MLXIP: variants seen among roughly 807,000 people sequenced by gnomAD.
MLXIP encodes MLX interacting protein.
Under a neutral mutation model 87.2 loss-of-function variants are expected in MLXIP, and 30 were observed. That is an observed-to-expected ratio of 0.34 (90% CI 0.26 to 0.47). MLXIP has a LOEUF of 0.47. Ranked by LOEUF, MLXIP falls within the 20% of genes least tolerant of loss-of-function variation. The pLI is 1.00. For synonymous variants in MLXIP, 530 were observed against 514.0 expected (o/e 1.03, Z -0.42); for missense variants, 1,002 against 1,240.1 (o/e 0.81, Z 2.88).
intron 1 of MLXIP, among the ~76,000 whole-genome samples, chr12:122,124,193 C>T (rs1593100128): frequency 9.5e-6 from 1 of 105,372 alleles, no homozygotes; most frequent in Non-Finnish European, 2.0e-5. Flanking sequence ...AGCCGTCCCC[C>T]GCCCTCAGCT....
chr12:122,128,854 G>C, intron 3 of MLXIP: 1 of 372,154 alleles, frequency 2.7e-6, no homozygotes, highest in Middle Eastern at 7.7e-4. Flanking sequence ...TTCCTCTGTG[G>C]AGCATTCTGC....
rs1377930676 is a variant in MLXIP, at chr12:122,127,346, G to A, written c.504G>A (p.Arg168=). ...TCCGGCTCAATAATGCCATCTGGCG[G>A]GCCTGGTACATGCAGTGTAAGTGCC... ...DKIRLNNAIW[R]AWYMQYLEKR... is the part of the protein sequence containing the mutation. The change falls in exon 2 of 17, where the codon CGG becomes CGA. Residue 168 remains arginine, a synonymous_variant. Coordinates refer to ENST00000319080, the MANE Select transcript of MLXIP (RefSeq NM_014938.6). The A allele has an allele frequency of 2.5e-6, 4 of 1,611,966 alleles. No homozygotes were observed. Among genetic ancestry groups the A allele is most frequent in the Non-Finnish European group, 3.4e-6 (4 of 1,179,000 alleles).
At chr12:122,116,899 G>A (rs1593091184) in intron 1 of MLXIP, among the ~76,000 whole-genome samples, 2 of 152,328 alleles carry the variant, frequency 1.3e-5, no homozygotes, top group African/African-American at 4.8e-5. Context: ...GTTAGAAGTG[G>A]TCTAGACATG....
chr12:122,078,869 T>A lies in MLXIP; in HGVS notation c.16T>A (p.Phe6Ile). 9.0e-7 allele frequency: 1 copy of A among 1,113,306 alleles called. No individual in the cohort carries two copies. Among genetic ancestry groups the A allele is most frequent in the South Asian group, 3.0e-5 (1 of 32,924 alleles). 69.0% of individuals were successfully genotyped at this position (1,113,306 alleles called of 1,614,324 possible). A position where few individuals can be genotyped will look rare whatever the true frequency, so the allele number is the denominator to read the frequency against. Residue 6 changes from phenylalanine (F) to isoleucine (I), a missense_variant, in exon 1 of 17, where the codon TTC (phenylalanine) becomes ATC (isoleucine). By Grantham distance (21) the Phe-to-Ile change is conservative (BLOSUM62 0). This residue lies in a region of MLXIP where 129 missense variants were observed against 104.2 expected (regional missense o/e 1.24). Coordinates refer to ENST00000319080, the MANE Select transcript of MLXIP (RefSeq NM_014938.6). Reference sequence around the variant, plus strand: ...AGCCCTTCTCATGGCCGCCGACGTCTTCATGTGCTCCCCGCGCCGGCCTCG... The same window carrying A: ...AGCCCTTCTCATGGCCGCCGACGTCATCATGTGCTCCCCGCGCCGGCCTCG... Reference protein sequence around the residue: MAADVFMCSPRRPRSR... With the variant: MAADVIMCSPRRPRSR...
At chr12:122,130,245 A>G in intron 6 of MLXIP, 133 bp downstream of exon 6, 3 of 940,026 alleles carry the variant, frequency 3.2e-6, no homozygotes, top group Non-Finnish European at 4.7e-6. Context: ...GCAGTAAGGA[A>G]GGGAAGGATG....
intron 1 of MLXIP, among the ~76,000 whole-genome samples, chr12:122,100,361 T>C (rs1040673622): frequency 1.5e-4 from 23 of 152,358 alleles, no homozygotes; most frequent in African/African-American, 5.5e-4. Flanking sequence ...TCCTTTGATA[T>C]TAACCAGTTT....
intron 1 of MLXIP, among the ~76,000 whole-genome samples, chr12:122,116,980 C>T (rs963638356): frequency 5.3e-5 from 8 of 152,244 alleles, no homozygotes; most frequent in Non-Finnish European, 8.8e-5. Context: ...CCATTGCAGG[C>T]AGGCACATCT....
At chr12:122,087,371 A>G (rs537961653) in intron 1 of MLXIP, among the ~76,000 whole-genome samples, 3 of 145,540 alleles carry the variant, frequency 2.1e-5, no homozygotes, top group African/African-American at 7.4e-5. Flanking sequence ...TAGAAAGAAG[A>G]TGAAGGCTAG....
chr12:122,099,241 C>CA (rs1168335162), intron 1 of MLXIP, among the ~76,000 whole-genome samples: 2 of 151,950 alleles, frequency 1.3e-5, no homozygotes, highest in African/African-American at 2.4e-5. Flanking sequence ...GCCATGTCTC[C>CA]AAAAAAACCA....
chr12:122,130,054 C>T lies in MLXIP; in HGVS notation c.852C>T (p.Thr284=). 6.2e-7 allele frequency: 1 copy of T among 1,613,926 alleles called. No individual in the cohort carries two copies. Among genetic ancestry groups the T allele is most frequent in the Non-Finnish European group, 8.5e-7 (1 of 1,179,870 alleles). Reference sequence around the variant, plus strand: ...TGCTCATGTCGGAATTCAGCGACACCCTCTTCTCCACACTTTCTTCACACC... The same window carrying T: ...TGCTCATGTCGGAATTCAGCGACACTCTCTTCTCCACACTTTCTTCACACC... ...TDMLMSEFSD[T]LFSTLSSHQP... The change falls in exon 6 of 17, where the codon ACC becomes ACT. Residue 284 remains threonine (T), a synonymous_variant. Coordinates refer to ENST00000319080, the MANE Select transcript of MLXIP (RefSeq NM_014938.6).
chr12:122,099,784 A>G (rs769035371), intron 1 of MLXIP, among the ~76,000 whole-genome samples: 38 of 152,128 alleles, frequency 2.5e-4, no homozygotes, highest in Non-Finnish European at 5.4e-4. Flanking sequence ...ATATCCAAAT[A>G]TATTTGTGGA....
chr12:122,080,810 G>A (rs954283941), intron 1 of MLXIP, among the ~76,000 whole-genome samples: 1 of 152,220 alleles, frequency 6.6e-6, no homozygotes, highest in Non-Finnish European at 1.5e-5. Flanking sequence ...CGACTGGATC[G>A]CAGCATATGC....
At chr12:122,125,223 T>G (rs1323069339) in intron 1 of MLXIP, among the ~76,000 whole-genome samples, 1 of 150,918 alleles carries the variant, frequency 6.6e-6, no homozygotes, top group East Asian at 1.9e-4. Context: ...TCCCAGCTAC[T>G]CGGTTGGCTG....
chr12:122,133,747 G>A lies in MLXIP; in HGVS notation c.1492G>A (p.Ala498Thr), dbSNP rs1039428853. ...ASATLTHDAPATTFSQSQGLV... is the reference protein window; with the variant it reads ...ASATLTHDAPTTTFSQSQGLV... The stretch of plus-strand genomic sequence containing the variant: ...TGCCACCCTCACCCACGATGCCCCC[G>A]CCACCACCTTTAGCCAGAGTCAGGG... Residue 498 changes from alanine to threonine, a missense_variant, in exon 9 of 17, where the codon GCC becomes ACC. By Grantham distance (58) the Ala-to-Thr change is moderately conservative. Around this residue, in one of 3 missense-constraint regions of MLXIP, gnomAD observed 746 missense variants for 897.0 expected, o/e 0.83. Transcript: ENST00000319080. The surrounding 1 kb of genome is among the most constrained non-coding windows in gnomAD (Gnocchi z 4.9). 5.6e-6 allele frequency: 9 copies of A among 1,613,056 alleles called. No homozygotes were observed. The highest frequency in any genetic ancestry group is 1.3e-5 in the African/African-American group (1 of 74,892).
chr12:122,084,569 G>T (rs1014317202), intron 1 of MLXIP, among the ~76,000 whole-genome samples: 1 of 152,024 alleles, frequency 6.6e-6, no homozygotes, highest in Non-Finnish European at 1.5e-5. Context: ...TGTTTGAGAC[G>T]GAGTTTCGCT....
intron 1 of MLXIP, among the ~76,000 whole-genome samples, chr12:122,089,988 A>T (rs930974228): frequency 6.6e-6 from 1 of 152,184 alleles, no homozygotes; most frequent in Non-Finnish European, 1.5e-5. Flanking sequence ...TCTGCCCCTT[A>T]GCTCCTTAAG....
chr12:122,091,408 A>T (rs1363346050), intron 1 of MLXIP, among the ~76,000 whole-genome samples: 1 of 152,042 alleles, frequency 6.6e-6, no homozygotes, highest in East Asian at 1.9e-4. Context: ...GTTTGTTAAG[A>T]CCTTTACGGC....
rs1349674906 is a variant in MLXIP at position 122,142,359 on chromosome 12, C to T, written c.*547C>T. 2 of 571,884 alleles carry T rather than the reference C, an allele frequency of 3.5e-6. No homozygotes were observed. Among genetic ancestry groups the T allele is most frequent in the Non-Finnish European group, 6.6e-6 (2 of 301,604 alleles). The allele number at this position is 571,884 out of a possible 1,614,324, so 35.4% of individuals were successfully genotyped here. ...TTGTGGATGGACTTGGGCTTCTATTCAGGCTTATGCATGGCAGGCTGCCAG... is the reference window on the plus strand; with the variant it reads ...TTGTGGATGGACTTGGGCTTCTATTTAGGCTTATGCATGGCAGGCTGCCAG... On this transcript the variant is annotated 3_prime_UTR_variant, in exon 17 of 17. Transcript: ENST00000319080.
chr12:122,139,783 C>G (rs1953164540), intron 15 of MLXIP, among the ~76,000 whole-genome samples: 1 of 152,208 alleles, frequency 6.6e-6, no homozygotes, highest in African/African-American at 2.4e-5. Flanking sequence ...AAGTGTTCCT[C>G]CTGCCTCAGC....
Sources: gnomAD v4.1 joint callset for allele counts (sites outside exome capture counted in the v4.1 genomes callset) on GRCh38, gnomAD v4.1.1 for gene constraint, gnomAD v4.1.1 regional missense constraint, Gnocchi (gnomAD v3.1) non-coding constraint, MANE v1.5 for transcripts, NCBI Gene and HGNC (gene_info 2026-07-23, HGNC 2026-07-21) for gene names.